CABCOCO1: variants seen among roughly 807,000 people sequenced by gnomAD.
CABCOCO1 encodes the protein ciliary-associated calcium-binding coiled-coil protein 1.
Under a neutral mutation model 35.7 loss-of-function variants are expected in CABCOCO1, and 28 were observed. That is an observed-to-expected ratio of 0.78 (90% CI 0.58 to 1.07). CABCOCO1 has a LOEUF of 1.07. Among genes scored for constraint, CABCOCO1 ranks in the 50% least tolerant of loss-of-function variants. The pLI is 0.00. For synonymous variants in CABCOCO1, 95 were observed against 100.1 expected (o/e 0.95, Z 0.30); for missense variants, 326 against 309.2 (o/e 1.05, Z -0.41).
At chr10:61,691,784 G>A (rs1270052053) in intron 5 of CABCOCO1, among the ~76,000 whole-genome samples, 1 of 152,036 alleles carries the variant, frequency 6.6e-6, no homozygotes, top group African/African-American at 2.4e-5. Flanking sequence ...GAGAATGATG[G>A]TTTCCAGCTT....
At chr10:61,729,562 T>A (rs1466677103) in intron 5 of CABCOCO1, among the ~76,000 whole-genome samples, 1 of 152,126 alleles carries the variant, frequency 6.6e-6, no homozygotes, top group African/African-American at 2.4e-5. Flanking sequence ...TGGAGGTTCC[T>A]CAGAAATTAA....
chr10:61,687,404 T>C (rs568831308), intron 4 of CABCOCO1, among the ~76,000 whole-genome samples: 31 of 152,324 alleles, frequency 2.0e-4, no homozygotes, highest in Admixed American at 1.4e-3. Context: ...GGAATTCTAC[T>C]TTGCACATTG....
At chr10:61,711,883 A>C (rs1266091963) in intron 5 of CABCOCO1, among the ~76,000 whole-genome samples, 1 of 152,036 alleles carries the variant, frequency 6.6e-6, no homozygotes, top group African/African-American at 2.4e-5. Context: ...GGAATTTAAA[A>C]AGCATTTTGA....
intron 5 of CABCOCO1, among the ~76,000 whole-genome samples, chr10:61,757,945 T>C (rs1246415727): frequency 6.6e-6 from 1 of 151,964 alleles, no homozygotes; most frequent in Non-Finnish European, 1.5e-5. Context: ...ATTGAGAACT[T>C]CCACAGGGGG....
At chr10:61,734,802 T>C (rs576128201) in intron 5 of CABCOCO1, among the ~76,000 whole-genome samples, 1 of 152,114 alleles carries the variant, frequency 6.6e-6, no homozygotes, top group East Asian at 1.9e-4. Context: ...AAACTAGAAG[T>C]GTTAGATAAA....
chr10:61,729,837 G>A (rs1337041904), intron 5 of CABCOCO1, among the ~76,000 whole-genome samples: 6 of 152,106 alleles, frequency 3.9e-5, no homozygotes, highest in Admixed American at 3.3e-4. Context: ...TGAGGACATC[G>A]TGCTAAGTGA....
At chr10:61,665,924 A>G (rs1839159392) in intron 1 of CABCOCO1, among the ~76,000 whole-genome samples, 1 of 152,142 alleles carries the variant, frequency 6.6e-6, no homozygotes, top group South Asian at 2.1e-4. Context: ...TTGAATCATA[A>G]GTAGTACACT....
chr10:61,761,932 G>A (rs781217148), intron 7 of CABCOCO1, among the ~76,000 whole-genome samples: 15 of 152,070 alleles, frequency 9.9e-5, no homozygotes, highest in Non-Finnish European at 1.8e-4. Flanking sequence ...AACAGACTCA[G>A]CCAAAGTCCT....
rs1482086333 is a variant in CABCOCO1, at chr10:61,765,990, A to G, written c.868A>G (p.Ile290Val). The G allele has an allele frequency of 6.2e-7, 1 of 1,613,452 alleles. No homozygotes were observed. The highest frequency in any genetic ancestry group is 1.1e-5 in the South Asian group (1 of 91,056). Reference protein sequence around the residue: ...QIQEEAFNARIEKLKKA With the variant: ...QIQEEAFNARVEKLKKA ...ACAGGAAGAGGCCTTTAATGCACGA[A>G]TAGAAAAATTGAAAAAGGCCTAAGG... Residue 290 changes from isoleucine to valine, a missense_variant, in exon 8 of 8, where the codon ATA becomes GTA. By Grantham distance (29) the Ile-to-Val change is conservative. Coordinates refer to ENST00000648843, the MANE Select transcript of CABCOCO1 (RefSeq NM_001366906.2).
chr10:61,664,487 G>C (rs1839104904), intron 1 of CABCOCO1, among the ~76,000 whole-genome samples: 1 of 152,154 alleles, frequency 6.6e-6, no homozygotes, highest in African/African-American at 2.4e-5. Flanking sequence ...TGAGTCAGAT[G>C]AATGAGCTAG....
intron 1 of CABCOCO1, among the ~76,000 whole-genome samples, chr10:61,669,861 ATATT>A (rs571588864): frequency 3.9e-5 from 6 of 152,258 alleles, no homozygotes; most frequent in Non-Finnish European, 7.4e-5. Context: ...TTTCATGTAT[ATATT>A]TATTCATTAT....
At chr10:61,763,316 T>C (rs2166122) in intron 7 of CABCOCO1, among the ~76,000 whole-genome samples, 118,477 of 151,922 alleles carry the variant, frequency 0.78, 46,550 homozygotes, top group East Asian at 0.91. Flanking sequence ...AATCCATAAG[T>C]TTTTTATGTT....
chr10:61,686,074 G>A lies in CABCOCO1; in HGVS notation c.368G>A (p.Trp123Ter). The change falls in exon 4 of 8, where the codon TGG becomes TAG. Residue 123 changes from tryptophan to a stop codon, truncating the protein, a stop_gained. Transcript: ENST00000648843. LOFTEE classifies it high-confidence loss of function. Reference sequence around the variant, plus strand: ...ATGTCCTTAGAGGAAAGCATAAAATGGCTTGGAGAAGTTATGGCTGAAATA... The same window carrying A: ...ATGTCCTTAGAGGAAAGCATAAAATAGCTTGGAGAAGTTATGGCTGAAATA... ...LHMSLEESIK[W>*]LGEVMAEIGP... The A allele has an allele frequency of 6.2e-7, 1 of 1,606,872 alleles. No homozygotes were observed. The highest frequency in any genetic ancestry group is 1.3e-5 in the African/African-American group (1 of 74,578).
chr10:61,672,704 T>A lies in CABCOCO1; in HGVS notation c.133T>A (p.Leu45Met), dbSNP rs1839397003. ...TCTTTCAGTTGCCCAAATCACTGAT[T>A]TGTTAATGGAGGACATCGATGGAGT... is the stretch of plus-strand genomic sequence containing the variant. Reference protein sequence around the residue: ...DFLSVAQITDLLMEDIDGVQE... With the variant: ...DFLSVAQITDMLMEDIDGVQE... The change falls in exon 2 of 8, where the codon TTG (leucine) becomes ATG (methionine). Residue 45 changes from leucine (L) to methionine (M), a missense_variant. By Grantham distance (15) the Leu-to-Met change is conservative. Coordinates refer to ENST00000648843, the MANE Select transcript of CABCOCO1 (RefSeq NM_001366906.2). The A allele has an allele frequency of 2.0e-6, 2 of 985,412 alleles. No homozygotes were observed. Among genetic ancestry groups the A allele is most frequent in the Non-Finnish European group, 2.4e-6 (2 of 829,888 alleles). The allele number at this position is 985,412 out of a possible 1,614,324, so 61.0% of individuals were successfully genotyped here. A position where few individuals can be genotyped will look rare whatever the true frequency, so the allele number is the denominator to read the frequency against.
chr10:61,747,743 G>GT (rs1841694353), intron 5 of CABCOCO1, among the ~76,000 whole-genome samples: 1 of 152,118 alleles, frequency 6.6e-6, no homozygotes, highest in Non-Finnish European at 1.5e-5. Context: ...AGAATGTGCT[G>GT]TTTTCTGATT....
At chr10:61,690,389 C>T (rs1018807805) in intron 4 of CABCOCO1, among the ~76,000 whole-genome samples, 160 bp from the exon 5 acceptor site, 2 of 151,928 alleles carry the variant, frequency 1.3e-5, no homozygotes, top group Non-Finnish European at 2.9e-5. Flanking sequence ...TAGTATTTCC[C>T]GACAATTTCT....
chr10:61,699,425 T>C (rs12246717), intron 5 of CABCOCO1, among the ~76,000 whole-genome samples: 1 of 151,972 alleles, frequency 6.6e-6, no homozygotes, highest in Non-Finnish European at 1.5e-5. Context: ...CTCTTGAGAC[T>C]GTCACCCAAG....
intron 3 of CABCOCO1, 56 bp from the exon 4 acceptor site, chr10:61,685,985 T>C (rs752059941): frequency 1.9e-5 from 28 of 1,481,116 alleles, no homozygotes; most frequent in Non-Finnish European, 2.5e-5. Context: ...TGGATTATCT[T>C]ATTCTGAAAA....
intron 7 of CABCOCO1, among the ~76,000 whole-genome samples, chr10:61,762,735 TA>T (rs1842032920): frequency 6.6e-6 from 1 of 152,074 alleles, no homozygotes; most frequent in Non-Finnish European, 1.5e-5. Flanking sequence ...TGACAACTGA[TA>T]AAAGACCCTG....
Sources: allele counts gnomAD v4.1 joint callset (sites outside exome capture counted in the v4.1 genomes callset), GRCh38; gene constraint gnomAD v4.1.1; transcripts MANE v1.5; gene names NCBI Gene and HGNC (gene_info 2026-07-23, HGNC 2026-07-21).